BMPR2: variants seen among roughly 807,000 people sequenced by gnomAD.
The protein encoded by BMPR2 is bone morphogenetic protein receptor type-2.
A neutral mutation model predicts 100.8 loss-of-function variants in BMPR2; 29 were observed. The ratio of observed to expected loss-of-function variants is 0.29; its 90% CI spans 0.21 to 0.39. The LOEUF (loss-of-function observed/expected upper bound fraction) is 0.39, where lower values mean the gene tolerates loss of function less well. Ranked by LOEUF, BMPR2 falls within the 10% of genes least tolerant of loss-of-function variation. The probability of loss-of-function intolerance (pLI) is 1.00; values close to 1 mark genes in which losing one functional copy is unlikely to be tolerated. For synonymous variants in BMPR2, 382 were observed against 442.3 expected (o/e 0.86, Z 1.71); for missense variants, 1,011 against 1,274.5 (o/e 0.79, Z 3.15).
intron 10 of BMPR2, among the ~76,000 whole-genome samples, chr2:202,542,809 A>G (rs1052921365): frequency 1.3e-5 from 2 of 152,158 alleles, no homozygotes; most frequent in African/African-American, 2.4e-5. Flanking sequence ...GGCTTACATA[A>G]CCAATGGCTA....
chr2:202,523,976 G>A (rs1002451246), intron 7 of BMPR2, among the ~76,000 whole-genome samples: 9 of 152,126 alleles, frequency 5.9e-5, no homozygotes, highest in East Asian at 5.8e-4. Context: ...TAAGTGGGAC[G>A]TAAACATCGG....
At chr2:202,467,379 A>G in intron 2 of BMPR2, 140 bp from the exon 3 acceptor site, 1 of 753,970 alleles carries the variant, frequency 1.3e-6, no homozygotes, top group Non-Finnish European at 2.2e-6. Flanking sequence ...TCTTAAAAAT[A>G]TGTTTCCTGT....
At chr2:202,426,937 G>A (rs1691398189) in intron 1 of BMPR2, among the ~76,000 whole-genome samples, 1 of 152,194 alleles carries the variant, frequency 6.6e-6, no homozygotes, top group Admixed American at 6.5e-5. Flanking sequence ...TGGATTATAA[G>A]AGGATGTTGA....
At chr2:202,447,155 A>T (rs1247554874) in intron 1 of BMPR2, among the ~76,000 whole-genome samples, 1 of 149,426 alleles carries the variant, frequency 6.7e-6, no homozygotes, top group African/African-American at 2.6e-5. Context: ...AAAATACAAA[A>T]AAATTAGCTG....
intron 1 of BMPR2, among the ~76,000 whole-genome samples, chr2:202,425,986 C>A (rs1205154164): frequency 6.6e-6 from 1 of 151,918 alleles, no homozygotes; most frequent in Non-Finnish European, 1.5e-5. Flanking sequence ...AGGTAACAAT[C>A]CAAAAGGGAA....
intron 9 of BMPR2, among the ~76,000 whole-genome samples, chr2:202,537,566 G>A: frequency 6.6e-6 from 1 of 152,134 alleles, no homozygotes; most frequent in Admixed American, 6.5e-5. Context: ...AGTTTGGGAA[G>A]ATAGAAACAG....
At chr2:202,523,934 T>C (rs12477367) in intron 7 of BMPR2, among the ~76,000 whole-genome samples, 19,300 of 152,200 alleles carry the variant, frequency 0.13, 1,298 homozygotes, top group Admixed American at 0.14. Context: ...TAAGTAGGAA[T>C]AGAAAACCAA....
At chr2:202,455,394 A>G (rs1245595720) in intron 1 of BMPR2, among the ~76,000 whole-genome samples, 4 of 152,190 alleles carry the variant, frequency 2.6e-5, no homozygotes, top group Non-Finnish European at 4.4e-5. Context: ...TCTAAAAAAT[A>G]AAAATAAAAA....
intron 10 of BMPR2, among the ~76,000 whole-genome samples, chr2:202,551,299 G>A (rs569400355): frequency 5.0e-4 from 75 of 150,854 alleles, no homozygotes; most frequent in Middle Eastern, 3.4e-3. Context: ...GGTGGATCAC[G>A]AGGTCAGGAG....
At chr2:202,505,767 T>C (rs2105995540) in intron 3 of BMPR2, among the ~76,000 whole-genome samples, 1 of 152,310 alleles carries the variant, frequency 6.6e-6, no homozygotes, top group East Asian at 1.9e-4. Flanking sequence ...GACTAAAACT[T>C]ATGAGCTCTT....
intron 1 of BMPR2, among the ~76,000 whole-genome samples, chr2:202,388,422 ATTGT>A (rs1194570771): frequency 3.2e-4 from 45 of 141,096 alleles, no homozygotes; most frequent in Middle Eastern, 7.2e-3. Context: ...AAAAAAAAAC[ATTGT>A]TTGTCCATAT....
intron 4 of BMPR2, among the ~76,000 whole-genome samples, 170 bp downstream of exon 4, chr2:202,513,999 T>G (rs1252267084): frequency 3.3e-5 from 5 of 152,100 alleles, no homozygotes; most frequent in Admixed American, 1.3e-4. Context: ...AAATTATCAG[T>G]CACTACCCCT....
chr2:202,424,070 CAAA>C lies in BMPR2; in HGVS notation c.77-40720_77-40718del, dbSNP rs773518674. Among the ~76,000 whole-genome samples the C allele has an allele frequency of 1.9e-4, 11 of 58,762 alleles. No homozygotes were observed. The Admixed American group carries it at 2.3e-3, about 12-fold the overall frequency. The allele number at this position is 58,762 out of a possible 152,430, so 38.6% of individuals were successfully genotyped here. On this transcript the variant is annotated intron_variant, in intron 1 of 12. Transcript: ENST00000374580. ...CCTGGGTGACAGAGCAAGACTGTCT[CAAA>C]AAAAAAAAAAAAAAAAAAGGCCAGG...
Position 202,483,264 on chromosome 2 carries a change from T to C in BMPR2, c.418+15575T>C, listed in dbSNP as rs145497440. On this transcript the variant is annotated intron_variant, in intron 3 of 12. Coordinates refer to ENST00000374580, the MANE Select transcript of BMPR2 (RefSeq NM_001204.7). ...ATATATTTTGGATATTAACCACTTA[T>C]CAGATATATGATTTGCAAATATTTT... 3.9e-4 allele frequency among the ~76,000 whole-genome samples: 60 copies of C among 152,314 alleles called. No homozygotes were observed. In the East Asian group the frequency reaches 0.01, roughly 26 times the overall value.
At chr2:202,426,454 G>T (rs1047195740) in intron 1 of BMPR2, among the ~76,000 whole-genome samples, 14 of 150,166 alleles carry the variant, frequency 9.3e-5, no homozygotes, top group African/African-American at 3.4e-4. Context: ...GGTGGCGGGT[G>T]CTTGTAATCC....
chr2:202,523,105 C>T (rs1687848049), intron 7 of BMPR2, among the ~76,000 whole-genome samples: 1 of 152,108 alleles, frequency 6.6e-6, no homozygotes, highest in Non-Finnish European at 1.5e-5. Flanking sequence ...AGATGACATA[C>T]AAGCAGCCAA....
At chr2:202,545,321 A>G (rs556771005) in intron 10 of BMPR2, among the ~76,000 whole-genome samples, 1 of 102,382 alleles carries the variant, frequency 9.8e-6, no homozygotes, top group African/African-American at 3.7e-5. Context: ...TCAGTTATCT[A>G]TTCATTAAAG....
At chr2:202,534,305 A>G (rs1688084629) in intron 9 of BMPR2, among the ~76,000 whole-genome samples, 1 of 150,852 alleles carries the variant, frequency 6.6e-6, no homozygotes, top group African/African-American at 2.4e-5. Flanking sequence ...TGTTTCTCAC[A>G]GAGGGGGATT....
chr2:202,403,196 C>T lies in BMPR2; in HGVS notation c.76+25646C>T, dbSNP rs185039513. Among the ~76,000 whole-genome samples the T allele has an allele frequency of 5.2e-3, 724 of 139,534 alleles. 14 individuals carry two copies. Among genetic ancestry groups the T allele is most frequent in the African/African-American group, 0.018 (668 of 37,124 alleles). The allele number at this position is 139,534 out of a possible 152,430, so 91.5% of individuals were successfully genotyped here. ...CTCCCCTTCCCCTCCCCTCCCCTCCCCTCCCCTCCCCTCCTCTTTTCGAGA... is the reference window on the plus strand; with the variant it reads ...CTCCCCTTCCCCTCCCCTCCCCTCCTCTCCCCTCCCCTCCTCTTTTCGAGA... On this transcript the variant is annotated intron_variant, in intron 1 of 12. Transcript: ENST00000374580.
Sources: gnomAD v4.1 joint callset for allele counts (sites outside exome capture counted in the v4.1 genomes callset) on GRCh38, gnomAD v4.1.1 for gene constraint, MANE v1.5 for transcripts, NCBI Gene and HGNC (gene_info 2026-07-23, HGNC 2026-07-21) for gene names.